IL32: variants seen among roughly 807,000 people sequenced by gnomAD.
The protein encoded by IL32 is interleukin 32.
A neutral mutation model predicts 16.6 loss-of-function variants in IL32; 30 were observed. That is an observed-to-expected ratio of 1.81 (90% CI 1.35 to 2.45). The LOEUF (loss-of-function observed/expected upper bound fraction) is 2.45, where lower values mean the gene tolerates loss of function less well. IL32 is among the 30% of genes most tolerant of loss of function. The pLI is 0.00. For missense variants in IL32, 234 were observed against 229.8 expected (o/e 1.02, Z -0.12); for synonymous variants, 70 against 86.1 (o/e 0.81, Z 1.03).
chr16:3,067,936 G>A (rs2239303), intron 4 of IL32, 48 bp from the exon 5 acceptor site: 1,020,132 of 1,605,396 alleles, frequency 0.64, 326,550 homozygotes, highest in Non-Finnish European at 0.65. Flanking sequence ...ACTGATGTGG[G>A]GTGCAGAGGA....
intron 5 of IL32, 69 bp downstream of exon 5, chr16:3,068,079 G>A: frequency 1.2e-6 from 2 of 1,605,824 alleles, no homozygotes; most frequent in Non-Finnish European, 1.7e-6. Flanking sequence ...CACTGGGTCT[G>A]GGCCCCGGGT....
At chr16:3,068,482 T>C in intron 6 of IL32, 1 of 523,644 alleles carries the variant, frequency 1.9e-6, no homozygotes, top group Non-Finnish European at 3.4e-6. Context: ...ATTTTTTTTG[T>C]GTGTGTTTTT....
chr16:3,068,097 G>A lies in IL32; in HGVS notation c.142-83G>A, dbSNP rs9788940. On this transcript the variant is annotated intron_variant, in intron 5 of 6. Coordinates refer to ENST00000525643, the MANE Select transcript of IL32 (RefSeq NM_001376923.1). ...TGGGTCTGGGCCCCGGGTCCCCTTG[G>A]GAATCACCTGGACCAGTGGGGGCCA... is the stretch of plus-strand genomic sequence containing the variant. 2.2e-3 allele frequency: 3,512 copies of A among 1,604,426 alleles called. 129 individuals are homozygous for A. The East Asian group carries it at 0.064, about 29-fold the overall frequency.
intron 4 of IL32, 25 bp from the exon 5 acceptor site, chr16:3,067,959 G>A (rs1368023965): frequency 1.9e-6 from 3 of 1,614,052 alleles, no homozygotes; most frequent in Non-Finnish European, 2.5e-6. Context: ...CTTGGGCCTG[G>A]AACCGAGTGC....
At chr16:3,065,955 A>T in intron 2 of IL32, 129 bp downstream of exon 2, 2 of 1,108,390 alleles carry the variant, frequency 1.8e-6, no homozygotes, top group African/African-American at 1.5e-5. Context: ...CGGCAGGAGG[A>T]TAGTGATGGG....
upstream of IL32, chr16:3,065,493 G>A (rs1283269576): frequency 1.0e-5 from 5 of 488,660 alleles, no homozygotes; most frequent in Admixed American, 6.9e-5. Context: ...TGTCTCTCTC[G>A]GGTAAGTCTC....
In IL32 at chr16:3,068,004, G is replaced by C. The variant is rs766634927; in HGVS notation, c.135G>C (p.Glu45Asp). Reference protein sequence around the residue: ...GRGQVMSSLAELEDDFKEGYL... With the variant: ...GRGQVMSSLADLEDDFKEGYL... ...AACAGGTGATGTCGAGCCTGGCAGA[G>C]CTGGAGGTGAGCCGTGGCCTCCCCC... Residue 45 changes from glutamate to aspartate, a missense_variant, in exon 5 of 7, where the codon GAG (glutamate) becomes GAC (aspartate). By Grantham distance (45) the Glu-to-Asp change is conservative (BLOSUM62 2). Around this residue, in one of 3 missense-constraint regions of IL32, gnomAD observed 137 missense variants for 80.7 expected, o/e 1.70. Transcript: ENST00000525643. 4.3e-6 allele frequency: 7 copies of C among 1,614,020 alleles called. No individual in the cohort carries two copies. The highest frequency in any genetic ancestry group is 2.2e-5 in the East Asian group (1 of 44,888).
Position 3,067,458 on chromosome 16 carries a change from G to A in IL32, c.54+43G>A, listed in dbSNP as rs951472884. On this transcript the variant is annotated intron_variant, in intron 3 of 6. Transcript: ENST00000525643. Reference sequence around the variant, plus strand: ...TTCTGCTCAGGGGTTGGGGGCCTGGGTCTCAGCGTGTGACACTGAGGACAC... The same window carrying A: ...TTCTGCTCAGGGGTTGGGGGCCTGGATCTCAGCGTGTGACACTGAGGACAC... 2.5e-6 allele frequency: 4 copies of A among 1,612,640 alleles called. No individual in the cohort carries two copies. In the Admixed American group the frequency reaches 6.7e-5, roughly 27 times the overall value.
At chr16:3,066,973 G>GGGCCTGCCCAGC (rs1567140578) in intron 2 of IL32, among the ~76,000 whole-genome samples, 29 of 109,388 alleles carry the variant, frequency 2.7e-4, no homozygotes, top group South Asian at 1.5e-3. Context: ...CCCTGCTCTT[G>GGGCCTGCCCAGC]TGAGGAGGGG....
intron 5 of IL32, 46 bp downstream of exon 5, chr16:3,068,056 A>G (rs372332455): frequency 8.1e-6 from 13 of 1,611,450 alleles, no homozygotes; most frequent in Non-Finnish European, 1.1e-5. Context: ...CCTGGGTCTT[A>G]GGCTCCACAG....
intron 3 of IL32, 42 bp downstream of exon 3, chr16:3,067,457 G>C: frequency 6.2e-7 from 1 of 1,612,086 alleles, no homozygotes; most frequent in Non-Finnish European, 8.5e-7. Context: ...TGGGGGCCTG[G>C]GTCTCAGCGT....
At chr16:3,066,609 C>T (rs543525368) in intron 2 of IL32, among the ~76,000 whole-genome samples, 8 of 152,152 alleles carry the variant, frequency 5.3e-5, no homozygotes, top group Non-Finnish European at 8.8e-5. Context: ...TCTGTGGATG[C>T]AGCCACGTGT....
At chr16:3,068,083 C>G in intron 5 of IL32, 73 bp downstream of exon 5, 1 of 1,608,174 alleles carries the variant, frequency 6.2e-7, no homozygotes, top group Non-Finnish European at 8.5e-7. Flanking sequence ...GGGTCTGGGC[C>G]CCGGGTCCCC....
chr16:3,067,168 G>A (rs1382632354), intron 2 of IL32, among the ~76,000 whole-genome samples: 3 of 152,072 alleles, frequency 2.0e-5, no homozygotes, highest in Admixed American at 1.3e-4. Context: ...TGAGAGAAGC[G>A]CTTTCTGAGT....
rs758251866 is a variant in IL32 at position 3,069,235 on chromosome 16, G to C, written c.447G>C (p.Gln149His). The C allele has an allele frequency of 1.9e-6, 3 of 1,614,254 alleles. No homozygotes were observed. Among genetic ancestry groups the C allele is most frequent in the East Asian group, 4.5e-5 (2 of 44,890 alleles). ...HAVQALWKQF[Q>H]SFCCSLSELF... ...TGCAGGCCCTCTGGAAACAGTTCCA[G>C]AGTTTCTGCTGCTCTCTGTCAGAGC... Residue 149 changes from glutamine to histidine, a missense_variant, in exon 7 of 7, where the codon CAG (glutamine) becomes CAC (histidine). By Grantham distance (24) the Gln-to-His change is conservative (BLOSUM62 0). Transcript: ENST00000525643.
intron 4 of IL32, 69 bp downstream of exon 4, chr16:3,067,682 C>A: frequency 8.2e-7 from 1 of 1,214,054 alleles, no homozygotes; most frequent in Non-Finnish European, 1.2e-6. Flanking sequence ...CTGTGTGGGG[C>A]TCAGGGTGAG....
In IL32 at chr16:3,065,698, G is replaced by C; in HGVS notation, c.-29+11G>C. 1 of 1,148,144 alleles carries C rather than the reference G, an allele frequency of 8.7e-7. No individual in the cohort carries two copies. The highest frequency in any genetic ancestry group is 1.3e-6 in the Non-Finnish European group (1 of 755,870). 71.1% of individuals were successfully genotyped at this position (1,148,144 alleles called of 1,614,324 possible). A position where few individuals can be genotyped will look rare whatever the true frequency, so the allele number is the denominator to read the frequency against. On this transcript the variant is annotated intron_variant, in intron 1 of 6. Transcript: ENST00000525643. Reference sequence around the variant, plus strand: ...GCTGGGTCATCTCAGGTGGGGAGTTGGGGTCCCCGAAGGTGAGGACCCTCT... The same window carrying C: ...GCTGGGTCATCTCAGGTGGGGAGTTCGGGTCCCCGAAGGTGAGGACCCTCT...
chr16:3,067,560 G>C lies in IL32; in HGVS notation c.61G>C (p.Ala21Pro), dbSNP rs768786551. The change falls in exon 4 of 7, where the codon GCC (alanine) becomes CCC (proline). Residue 21 changes from alanine (A) to proline (P), a missense_variant. Ala to Pro is a conservative substitution (Grantham distance 27, BLOSUM62 -1). Coordinates refer to ENST00000525643, the MANE Select transcript of IL32 (RefSeq NM_001376923.1). ...MKKLKARMHQ[A>P]IERFYDKMQN... ...ACTCTGCCTCTCTTCACAGCACCAG[G>C]CCATAGAAAGATTTTATGATAAAAT... is the stretch of plus-strand genomic sequence containing the variant. 1.2e-6 allele frequency: 2 copies of C among 1,614,004 alleles called. No homozygotes were observed. Among genetic ancestry groups the C allele is most frequent in the East Asian group, 2.2e-5 (1 of 44,874 alleles).
At position 3,069,483 on chromosome 16, in the gene IL32, AC is replaced by A. The variant is rs1956833621; in HGVS notation, c.*130del. ...GCCTGGCGTTCCTGCCGCAGCTCTG[AC>A]CTGGTGCTGTCGCCCTGGCATCTTA... On this transcript the variant is annotated 3_prime_UTR_variant, in exon 7 of 7. Transcript: ENST00000525643. 1 of 1,162,386 alleles carries A rather than the reference AC, an allele frequency of 8.6e-7. No individual in the cohort carries two copies. Among genetic ancestry groups the A allele is most frequent in the Non-Finnish European group, 1.2e-6 (1 of 822,956 alleles). 72.0% of individuals were successfully genotyped at this position (1,162,386 alleles called of 1,614,324 possible).
Sources: allele counts gnomAD v4.1 joint callset (sites outside exome capture counted in the v4.1 genomes callset), GRCh38; gene constraint gnomAD v4.1.1; regional missense constraint gnomAD v4.1.1; transcripts MANE v1.5; gene names NCBI Gene and HGNC (gene_info 2026-07-23, HGNC 2026-07-21).